CAP1: variants seen among roughly 807,000 people sequenced by gnomAD.
CAP1 encodes adenylyl cyclase-associated protein 1.
CAP1 carries 11 observed loss-of-function variants against 58.2 expected under a neutral mutation model. The observed-to-expected ratio is 0.19, with a 90% CI of 0.12 to 0.31. The LOEUF (loss-of-function observed/expected upper bound fraction) is 0.31. Among genes scored for constraint, CAP1 ranks in the 10% least tolerant of loss-of-function variants. The probability of loss-of-function intolerance (pLI) is 1.00; values close to 1 mark genes in which losing one functional copy is unlikely to be tolerated. For synonymous variants in CAP1, 183 were observed against 213.8 expected (o/e 0.86, Z 1.26); for missense variants, 423 against 587.5 (o/e 0.72, Z 2.89).
chr1:40,045,231 T>C (rs1439531468), intron 1 of CAP1, among the ~76,000 whole-genome samples: 1 of 152,078 alleles, frequency 6.6e-6, no homozygotes, highest in Non-Finnish European at 1.5e-5. Flanking sequence ...GAGGACAAAA[T>C]TGCCCCTGGT....
chr1:40,046,080 A>C (rs1646085130), intron 1 of CAP1, among the ~76,000 whole-genome samples: 1 of 152,204 alleles, frequency 6.6e-6, no homozygotes, highest in Non-Finnish European at 1.5e-5. Flanking sequence ...CTCTATTGAA[A>C]ATTGTGTGAA....
At chr1:40,049,178 A>T (rs1218758516) in intron 1 of CAP1, among the ~76,000 whole-genome samples, 21 of 84,860 alleles carry the variant, frequency 2.5e-4, no homozygotes, top group East Asian at 9.1e-4. Flanking sequence ...GCCATTTCTA[A>T]TTTTTTTTTT....
Position 40,071,737 on chromosome 1 carries a change from G to A in CAP1, c.*204G>A. 1 of 560,618 alleles carries A rather than the reference G, an allele frequency of 1.8e-6. No homozygotes were observed. Among genetic ancestry groups the A allele is most frequent in the South Asian group, 2.3e-5 (1 of 42,606 alleles). 34.7% of individuals were successfully genotyped at this position (560,618 alleles called of 1,614,324 possible). On this transcript the variant is annotated 3_prime_UTR_variant, in exon 13 of 13. Transcript: ENST00000372805. ...CAGGTCAGTTGATCTTCTGCAGGAA[G>A]GTGCAGCTTTTCCATATCAGCTCAA...
At chr1:40,068,863 C>A (rs2124427649) in intron 8 of CAP1, among the ~76,000 whole-genome samples, 1 of 151,616 alleles carries the variant, frequency 6.6e-6, no homozygotes, top group African/African-American at 2.4e-5. Context: ...ATGGGAGTCT[C>A]ACTTTGTTGC....
In CAP1 at chr1:40,059,340, G is replaced by C; in HGVS notation, c.-7G>C. The C allele has an allele frequency of 6.4e-7, 1 of 1,555,846 alleles. No homozygotes were observed. The highest frequency in any genetic ancestry group is 8.9e-7 in the Non-Finnish European group (1 of 1,126,916). ...GACATTTGATCTGTTTCAGCAGGTG[G>C]TCCATTATGGCTGACATGCAAAATC... is the stretch of plus-strand genomic sequence containing the variant. On this transcript the variant is annotated 5_prime_UTR_variant, in exon 2 of 13. Transcript: ENST00000372805.
chr1:40,052,383 C>T (rs1173216597), intron 1 of CAP1, among the ~76,000 whole-genome samples: 1 of 152,096 alleles, frequency 6.6e-6, no homozygotes, highest in Admixed American at 6.6e-5. Context: ...TTTTGACCAC[C>T]TGTGTTTCTG....
chr1:40,059,496 G>A (rs1646756561), intron 2 of CAP1, 38 bp downstream of exon 2: 2 of 1,287,422 alleles, frequency 1.6e-6, no homozygotes, highest in Non-Finnish European at 2.3e-6. Context: ...CTTTCTTTGA[G>A]CGTCTTGGCC....
At chr1:40,066,442 G>T (rs1647088087) in intron 7 of CAP1, 122 bp downstream of exon 7, 6 of 639,702 alleles carry the variant, frequency 9.4e-6, no homozygotes, top group Admixed American at 5.1e-5. Context: ...TTTTTCAGTG[G>T]AAGGGAGGAA....
chr1:40,051,996 A>AGG (rs1422932545), intron 1 of CAP1, among the ~76,000 whole-genome samples: 2 of 152,128 alleles, frequency 1.3e-5, no homozygotes, highest in South Asian at 4.2e-4. Context: ...TCTGGAGGGG[A>AGG]GGGACCATGT....
At position 40,072,075 on chromosome 1, in the gene CAP1, T is replaced by C. The variant is rs1648145896; in HGVS notation, c.*542T>C. ...GCATTCCATACAAAATTGTTTCCTA[T>C]AAGCATTCCTTTTATTCTCTATTCT... On this transcript the variant is annotated 3_prime_UTR_variant, in exon 13 of 13. Transcript: ENST00000372805. 2.5e-6 allele frequency: 1 copy of C among 402,346 alleles called. No individual in the cohort carries two copies. The highest frequency in any genetic ancestry group is 4.4e-6 in the Non-Finnish European group (1 of 228,024). The allele number at this position is 402,346 out of a possible 1,614,324, so 24.9% of individuals were successfully genotyped here.
rs1280876160 is a variant in CAP1 at position 40,068,307 on chromosome 1, G to A, written c.808+590G>A. Among the ~76,000 whole-genome samples, 10 of 152,034 alleles carry A rather than the reference G, an allele frequency of 6.6e-5. No individual in the cohort carries two copies. The South Asian group carries it at 1.9e-3, about 28-fold the overall frequency. ...TTTTTTTTGAGACGGAGTTTTGCTC[G>A]TTTCCCAGCCTGGAGTGCAATGGCG... On this transcript the variant is annotated intron_variant, in intron 8 of 12. Transcript: ENST00000372805.
In CAP1 at chr1:40,072,169, T is replaced by C; in HGVS notation, c.*636T>C. On this transcript the variant is annotated 3_prime_UTR_variant, in exon 13 of 13. Coordinates refer to ENST00000372805, the MANE Select transcript of CAP1 (RefSeq NM_006367.4). ...CTAGCTGCTGTAGCAGTGCCCTTCA[T>C]CCAGGGCAGTTAATGGAGTCTTGGA... 2.5e-6 allele frequency: 1 copy of C among 395,114 alleles called. No homozygotes were observed. Among genetic ancestry groups the C allele is most frequent in the Non-Finnish European group, 4.5e-6 (1 of 224,718 alleles). The allele number at this position is 395,114 out of a possible 1,614,324, so 24.5% of individuals were successfully genotyped here.
chr1:40,069,643 A>C, intron 8 of CAP1, 47 bp from the exon 9 acceptor site: 2 of 1,530,612 alleles, frequency 1.3e-6, no homozygotes, highest in Admixed American at 1.9e-5. Flanking sequence ...TAGCAGCTCA[A>C]AGGTCTGGTA....
intron 1 of CAP1, among the ~76,000 whole-genome samples, chr1:40,045,560 T>A (rs1016369857): frequency 6.6e-6 from 1 of 152,000 alleles, no homozygotes; most frequent in African/African-American, 2.4e-5. Flanking sequence ...CTTTCTTTTG[T>A]TTTTTGTTTT....
chr1:40,045,842 T>C (rs35951704), intron 1 of CAP1, among the ~76,000 whole-genome samples: 21,193 of 152,058 alleles, frequency 0.14, 1,760 homozygotes, highest in East Asian at 0.23. Flanking sequence ...TGAGCCACCA[T>C]GCGCTCGGCC....
intron 3 of CAP1, among the ~76,000 whole-genome samples, 166 bp from the exon 4 acceptor site, chr1:40,061,569 G>A (rs377617357): frequency 6.6e-6 from 1 of 152,186 alleles, no homozygotes; most frequent in Non-Finnish European, 1.5e-5. Context: ...GAACAGTAGT[G>A]TATGTAATTC....
At chr1:40,066,058 T>C (rs1254260075) in intron 6 of CAP1, among the ~76,000 whole-genome samples, 157 bp from the exon 7 acceptor site, 2 of 152,138 alleles carry the variant, frequency 1.3e-5, no homozygotes, top group African/African-American at 4.8e-5. Context: ...AGGTTGTATA[T>C]ACATAGAAGC....
chr1:40,041,027 C>G (rs1645798050), intron 1 of CAP1: 2 of 152,530 alleles, frequency 1.3e-5, no homozygotes, highest in Admixed American at 1.3e-4. Flanking sequence ...CCCGATTTCG[C>G]AGCGCTGCCC....
At chr1:40,062,634 G>A (rs1557689053) in intron 4 of CAP1, among the ~76,000 whole-genome samples, 1 of 152,066 alleles carries the variant, frequency 6.6e-6, no homozygotes, top group Non-Finnish European at 1.5e-5. Flanking sequence ...GCAAGGTGGT[G>A]CATGCGTATA....
Sources: allele counts gnomAD v4.1 joint callset (sites outside exome capture counted in the v4.1 genomes callset), GRCh38; gene constraint gnomAD v4.1.1; transcripts MANE v1.5; gene names NCBI Gene and HGNC (gene_info 2026-07-23, HGNC 2026-07-21).